Variants in TMED7 observed in about 807,000 individuals in gnomAD.
TMED7 encodes transmembrane p24 trafficking protein 7, also known as transmembrane emp24 domain-containing protein 7.
A neutral mutation model predicts 23.4 loss-of-function variants in TMED7; 8 were observed. The observed-to-expected ratio is 0.34, with a 90% CI of 0.20 to 0.62. TMED7 has a LOEUF of 0.62. TMED7 is among the 20% of genes least tolerant of loss of function. The pLI is 0.77. For missense variants in TMED7, 232 were observed against 279.1 expected (o/e 0.83, Z 1.20); for synonymous variants, 121 against 108.5 (o/e 1.12, Z -0.72).
At chr5:115,625,183 G>A (rs570839676) in intron 1 of TMED7, among the ~76,000 whole-genome samples, 15 of 152,164 alleles carry the variant, frequency 9.9e-5, no homozygotes, top group Non-Finnish European at 1.3e-4. Flanking sequence ...TTAACCAACA[G>A]TCCTAATATT....
rs1756740121 is a variant in TMED7, at chr5:115,616,299, G to A, written c.585C>T (p.Leu195=). 1.9e-6 allele frequency: 3 copies of A among 1,614,052 alleles called. No individual in the cohort carries two copies. The highest frequency in any genetic ancestry group is 1.3e-5 in the African/African-American group (1 of 74,934). ...GCCCTATGCTAACCACCAGAAGAAT[G>A]AGGGCTTCTCCTACTGACCAATAGG... is the stretch of plus-strand genomic sequence containing the variant. ...RVAYWSVGEA[L]ILLVVSIGQV... Residue 195 remains leucine (L), a synonymous_variant, in exon 3 of 3, where the codon CTC becomes CTT. Coordinates refer to ENST00000456936, the MANE Select transcript of TMED7 (RefSeq NM_181836.6).
chr5:115,620,208 A>T, intron 2 of TMED7: 1 of 487,732 alleles, frequency 2.1e-6, no homozygotes, highest in Non-Finnish European at 3.0e-6. Context: ...TCCTTATTTT[A>T]ATGCTTCTTT....
chr5:115,625,517 G>A, intron 1 of TMED7, 84 bp downstream of exon 1: 1 of 1,353,266 alleles, frequency 7.4e-7, no homozygotes, highest in Non-Finnish European at 9.6e-7. Flanking sequence ...GGGGAAACAC[G>A]GACAGGAAAG....
At chr5:115,623,413 T>C (rs935889963) in intron 1 of TMED7, among the ~76,000 whole-genome samples, 5 of 152,180 alleles carry the variant, frequency 3.3e-5, no homozygotes, top group African/African-American at 1.2e-4. Context: ...GAGCAAATCA[T>C]CAATCTCATT....
chr5:115,624,626 C>G (rs746293610), intron 1 of TMED7, among the ~76,000 whole-genome samples: 12 of 152,190 alleles, frequency 7.9e-5, no homozygotes, highest in Non-Finnish European at 1.8e-4. Flanking sequence ...ATCTGGCCTG[C>G]CCCTGCTGAC....
Position 115,625,966 on chromosome 5 carries a change from G to A in TMED7, c.-174C>T, listed in dbSNP as rs1326579534. 3.5e-6 allele frequency: 3 copies of A among 851,488 alleles called. No homozygotes were observed. The highest frequency in any genetic ancestry group is 6.9e-5 in the East Asian group (2 of 29,024). 52.7% of individuals were successfully genotyped at this position (851,488 alleles called of 1,614,324 possible). On this transcript the variant is annotated 5_prime_UTR_variant, in exon 1 of 3. Transcript: ENST00000456936. ...AGCGACCCTCCGGCTTCCTGTGAGGGGCGCAGACGGGCGGACCTGGGGAGG... is the reference window on the plus strand; with the variant it reads ...AGCGACCCTCCGGCTTCCTGTGAGGAGCGCAGACGGGCGGACCTGGGGAGG...
chr5:115,625,744 A>G lies in TMED7; in HGVS notation c.49T>C (p.Trp17Arg). ...AQRWAAVAGRWGCRLLALLLL... is the reference protein window; with the variant it reads ...AQRWAAVAGRRGCRLLALLLL... ...AGCAGTGCGAGCAGCCTGCACCCCCAACGGCCCGCGACGGCCGCCCAGCGC... is the reference window on the plus strand; with the variant it reads ...AGCAGTGCGAGCAGCCTGCACCCCCGACGGCCCGCGACGGCCGCCCAGCGC... The change falls in exon 1 of 3, where the codon TGG becomes CGG. Residue 17 changes from tryptophan to arginine, a missense_variant. Around this residue, in one of 2 missense-constraint regions of TMED7, gnomAD observed 106 missense variants for 97.0 expected, o/e 1.09. Transcript: ENST00000456936. 1 of 1,558,876 alleles carries G rather than the reference A, an allele frequency of 6.4e-7. No individual in the cohort carries two copies. The highest frequency in any genetic ancestry group is 8.7e-7 in the Non-Finnish European group (1 of 1,155,236).
chr5:115,614,896 G>GAGAGAA lies in TMED7; in HGVS notation c.*1312_*1313insTTCTCT, dbSNP rs1756637281. 1 of 150,434 alleles carries GAGAGAA rather than the reference G, an allele frequency of 6.6e-6. No homozygotes were observed. The highest frequency in any genetic ancestry group is 1.5e-5 in the Non-Finnish European group (1 of 67,686). The allele number at this position is 150,434 out of a possible 1,614,324, so 9.3% of individuals were successfully genotyped here. On this transcript the variant is annotated 3_prime_UTR_variant, in exon 3 of 3. Transcript: ENST00000456936. ...GAACTCATCACTTTTGGGTAGGGAA[G>GAGAGAA]AGAGGCACGGCAGAAAAGCAGTTGC... is the stretch of plus-strand genomic sequence containing the variant.
chr5:115,625,046 G>A (rs996483623), intron 1 of TMED7, among the ~76,000 whole-genome samples: 2 of 152,220 alleles, frequency 1.3e-5, no homozygotes, highest in Admixed American at 6.5e-5. Flanking sequence ...TTCTGTTAAA[G>A]TTTCTTTTTT....
intron 1 of TMED7, among the ~76,000 whole-genome samples, chr5:115,624,932 T>C (rs1350846253): frequency 1.3e-5 from 2 of 152,338 alleles, no homozygotes; most frequent in Middle Eastern, 3.4e-3. Flanking sequence ...ACCACTTCTG[T>C]ACCACTGGCA....
At position 115,615,462 on chromosome 5, in the gene TMED7, T is replaced by C. The variant is rs1333971177; in HGVS notation, c.*747A>G. On this transcript the variant is annotated 3_prime_UTR_variant, in exon 3 of 3. Transcript: ENST00000456936. ...AGTACGTGTAACTCACTAAAAATTT[T>C]CCTATTTCATTTGCCCCCATTGTAG... The C allele has an allele frequency of 6.6e-6, 1 of 152,288 alleles. No homozygotes were observed. The highest frequency in any genetic ancestry group is 1.9e-4 in the East Asian group (1 of 5,200). 9.4% of individuals were successfully genotyped at this position (152,288 alleles called of 1,614,324 possible). A position where few individuals can be genotyped will look rare whatever the true frequency, so the allele number is the denominator to read the frequency against.
chr5:115,624,963 C>G (rs1757151521), intron 1 of TMED7, among the ~76,000 whole-genome samples: 2 of 152,230 alleles, frequency 1.3e-5, no homozygotes, highest in African/African-American at 4.8e-5. Flanking sequence ...AATAGCTACT[C>G]AAATGTTAAA....
chr5:115,613,701 T>C lies in TMED7; in HGVS notation c.*2508A>G, dbSNP rs1756564064. 1 of 152,562 alleles carries C rather than the reference T, an allele frequency of 6.6e-6. No individual in the cohort carries two copies. The highest frequency in any genetic ancestry group is 1.5e-5 in the Non-Finnish European group (1 of 67,964). 9.5% of individuals were successfully genotyped at this position (152,562 alleles called of 1,614,324 possible). A position where few individuals can be genotyped will look rare whatever the true frequency, so the allele number is the denominator to read the frequency against. ...TACAAACTGAAACAAAAATGCATAG[T>C]ACAGAGATTTAAATGAAATCTTCGA... On this transcript the variant is annotated 3_prime_UTR_variant, in exon 3 of 3. Coordinates refer to ENST00000456936, the MANE Select transcript of TMED7 (RefSeq NM_181836.6).
intron 1 of TMED7, among the ~76,000 whole-genome samples, chr5:115,623,687 C>T (rs1757110991): frequency 1.3e-5 from 2 of 151,970 alleles, no homozygotes; most frequent in East Asian, 1.9e-4. Flanking sequence ...CTTCTTCTCT[C>T]CTCTGCCGCC....
Position 115,616,130 on chromosome 5 carries a change from T to C in TMED7, c.*79A>G. On this transcript the variant is annotated 3_prime_UTR_variant, in exon 3 of 3. Coordinates refer to ENST00000456936, the MANE Select transcript of TMED7 (RefSeq NM_181836.6). Reference sequence around the variant, plus strand: ...TAAGGATTTAAAAATGTTGCCAATATTAAGTTCTTCAGTACCTAAAATTAA... The same window carrying C: ...TAAGGATTTAAAAATGTTGCCAATACTAAGTTCTTCAGTACCTAAAATTAA... The C allele has an allele frequency of 3.6e-6, 5 of 1,372,030 alleles. No individual in the cohort carries two copies. Among genetic ancestry groups the C allele is most frequent in the Non-Finnish European group, 5.1e-6 (5 of 973,574 alleles). The allele number at this position is 1,372,030 out of a possible 1,614,324, so 85.0% of individuals were successfully genotyped here. A position where few individuals can be genotyped will look rare whatever the true frequency, so the allele number is the denominator to read the frequency against.
rs765431260 is a variant in TMED7, at chr5:115,625,739, C to T, written c.54G>A (p.Gly18=). Residue 18 remains glycine (G), a synonymous_variant, in exon 1 of 3, where the codon GGG becomes GGA. Coordinates refer to ENST00000456936, the MANE Select transcript of TMED7 (RefSeq NM_181836.6). ...GTAGCAGCAGTGCGAGCAGCCTGCA[C>T]CCCCAACGGCCCGCGACGGCCGCCC... The part of the protein sequence containing the change: ...QRWAAVAGRW[G]CRLLALLLLV... 4.5e-6 allele frequency: 7 copies of T among 1,562,876 alleles called. No individual in the cohort carries two copies. The highest frequency in any genetic ancestry group is 3.5e-6 in the Non-Finnish European group (4 of 1,157,188).
intron 1 of TMED7, among the ~76,000 whole-genome samples, chr5:115,624,382 C>A (rs1249087291): frequency 6.6e-6 from 1 of 152,156 alleles, no homozygotes; most frequent in Non-Finnish European, 1.5e-5. Flanking sequence ...TACCCCACTG[C>A]TATCACTCTA....
intron 2 of TMED7, 163 bp from the exon 3 acceptor site, chr5:115,616,608 C>A: frequency 9.6e-7 from 1 of 1,041,788 alleles, no homozygotes; most frequent in Non-Finnish European, 1.4e-6. Context: ...GCAATGAAAC[C>A]CCCCTGCTCA....
chr5:115,621,457 A>T (rs1403662278), intron 1 of TMED7, among the ~76,000 whole-genome samples: 1 of 152,216 alleles, frequency 6.6e-6, no homozygotes, highest in Non-Finnish European at 1.5e-5. Flanking sequence ...GCAAAAACAA[A>T]ATAACATGAA....
Sources: gnomAD v4.1 joint callset for allele counts (sites outside exome capture counted in the v4.1 genomes callset) on GRCh38, gnomAD v4.1.1 for gene constraint, gnomAD v4.1.1 regional missense constraint, MANE v1.5 for transcripts, NCBI Gene and HGNC (gene_info 2026-07-23, HGNC 2026-07-21) for gene names.